The following SGCZ variants were observed in gnomAD, a reference collection of about 807,000 sequenced individuals.
SGCZ encodes the protein sarcoglycan zeta, also known as zeta-sarcoglycan.
In SGCZ, 40 loss-of-function variants were observed where a neutral mutation model predicts 41.3. That is an observed-to-expected ratio of 0.97 (90% confidence interval 0.75 to 1.26). SGCZ has a LOEUF of 1.26. SGCZ is among the 50% of genes most tolerant of loss of function. The probability of loss-of-function intolerance (pLI) is 0.00; values close to 1 mark genes in which losing one functional copy is unlikely to be tolerated. For missense variants in SGCZ, 552 were observed against 369.8 expected, an observed-to-expected ratio of 1.49 and a Z score of -4.04; for synonymous variants, 206 against 137.5, an observed-to-expected ratio of 1.50 and a Z score of -3.49.
intron 5 of SGCZ, 100 bp downstream of exon 5, chr8:14,164,480 C>G (rs768425508): frequency 4.9e-6 from 7 of 1,423,390 alleles, no homozygotes; most frequent in Non-Finnish European, 6.8e-6. Context: ...TAAGACTCTA[C>G]TTTAGGCATA....
chr8:14,440,351 T>TA (rs1800213690), intron 2 of SGCZ, among the ~76,000 whole-genome samples: 1 of 152,110 alleles, frequency 6.6e-6, no homozygotes, highest in South Asian at 2.1e-4. Flanking sequence ...AAATCTTAGA[T>TA]AAATAAGTTA....
chr8:14,549,996 G>C (rs1487229388), intron 2 of SGCZ, among the ~76,000 whole-genome samples: 1 of 151,996 alleles, frequency 6.6e-6, no homozygotes, highest in African/African-American at 2.4e-5. Context: ...GGAAAAAAAG[G>C]TGGCATTAAA....
At chr8:15,142,349 TG>T (rs1172578660) in intron 1 of SGCZ, among the ~76,000 whole-genome samples, 1 of 152,164 alleles carries the variant, frequency 6.6e-6, no homozygotes, top group African/African-American at 2.4e-5. Flanking sequence ...AATTATATAT[TG>T]GTTATATTTA....
At chr8:14,714,873 GT>G (rs1391148997) in intron 1 of SGCZ, among the ~76,000 whole-genome samples, 1 of 151,968 alleles carries the variant, frequency 6.6e-6, no homozygotes. Context: ...ATGCGGGGAT[GT>G]TTTTTTCAGA....
intron 1 of SGCZ, among the ~76,000 whole-genome samples, chr8:14,854,775 G>A (rs528531072): frequency 1.6e-4 from 24 of 151,942 alleles, no homozygotes; most frequent in Non-Finnish European, 3.1e-4. Context: ...TCATAGAGAG[G>A]AAAGGAGAGA....
At chr8:14,100,256 A>G (rs1168482520) in intron 7 of SGCZ, among the ~76,000 whole-genome samples, 1 of 151,828 alleles carries the variant, frequency 6.6e-6, no homozygotes, top group East Asian at 1.9e-4. Flanking sequence ...ATGAAGTTAT[A>G]ATATGTAATT....
intron 1 of SGCZ, among the ~76,000 whole-genome samples, chr8:14,737,142 GAT>G (rs34151172): frequency 0.76 from 110,015 of 144,432 alleles, 41,261 homozygotes; most frequent in Admixed American, 0.79. Context: ...GGATATATAA[GAT>G]ATATATATAT....
At chr8:14,818,989 G>A (rs1391545952) in intron 1 of SGCZ, among the ~76,000 whole-genome samples, 2 of 151,994 alleles carry the variant, frequency 1.3e-5, no homozygotes, top group African/African-American at 4.8e-5. Context: ...GTCATCTAAT[G>A]AAATAATTTC....
rs115607009 is a variant in SGCZ at position 14,697,814 on chromosome 8, C to G, written c.40-142888G>C. Among the ~76,000 whole-genome samples, 1,299 of 152,016 alleles carry G rather than the reference C, an allele frequency of 8.5e-3. 18 individuals carry two copies. Among genetic ancestry groups the G allele is most frequent in the Middle Eastern group, 0.031 (9 of 294 alleles). On this transcript the variant is annotated intron_variant, in intron 1 of 7. Transcript: ENST00000382080. ...ATATTTTATATTGAACACAACAGTC[C>G]AGCAATACTATTCCCTTAATTCTCA...
chr8:14,402,294 T>G (rs964824352), intron 2 of SGCZ, among the ~76,000 whole-genome samples: 2 of 151,350 alleles, frequency 1.3e-5, no homozygotes, highest in African/African-American at 2.5e-5. Flanking sequence ...TGAGTTTAAT[T>G]AGATCCCATT....
intron 2 of SGCZ, among the ~76,000 whole-genome samples, chr8:14,326,074 T>G (rs1802098612): frequency 9.0e-6 from 1 of 110,856 alleles, no homozygotes; most frequent in Non-Finnish European, 1.7e-5. Context: ...ATCGCTCCAC[T>G]GAACTCCAGC....
intron 4 of SGCZ, among the ~76,000 whole-genome samples, chr8:14,230,289 G>C (rs919474687): frequency 4.6e-5 from 7 of 151,970 alleles, no homozygotes; most frequent in South Asian, 4.1e-4. Flanking sequence ...CCAGAGACTT[G>C]GTCATGTGTA....
chr8:14,868,586 T>C (rs1210091661), intron 1 of SGCZ, among the ~76,000 whole-genome samples: 1 of 152,140 alleles, frequency 6.6e-6, no homozygotes, highest in Non-Finnish European at 1.5e-5. Flanking sequence ...TGAATTTCAA[T>C]CTGAAATTTG....
At position 14,932,406 on chromosome 8, in the gene SGCZ, A is replaced by G. The variant is rs373359077; in HGVS notation, c.39+305179T>C. On this transcript the variant is annotated intron_variant, in intron 1 of 7. Transcript: ENST00000382080. ...ATAAATGCAAAATGTCTCTTTCATC[A>G]TGATGTAAAGGATGCAATAAAACTA... is the stretch of plus-strand genomic sequence containing the variant. Among the ~76,000 whole-genome samples the G allele has an allele frequency of 1.6e-4, 24 of 152,074 alleles. No homozygotes were observed. The East Asian group carries it at 4.4e-3, about 28-fold the overall frequency.
chr8:14,661,899 G>A (rs1396452101), intron 1 of SGCZ, among the ~76,000 whole-genome samples: 1 of 151,438 alleles, frequency 6.6e-6, no homozygotes, highest in Non-Finnish European at 1.5e-5. Context: ...AGAGACAATG[G>A]GGTATCTTGA....
At chr8:14,631,119 A>G (rs1353242556) in intron 1 of SGCZ, among the ~76,000 whole-genome samples, 1 of 151,928 alleles carries the variant, frequency 6.6e-6, no homozygotes, top group Non-Finnish European at 1.5e-5. Context: ...TTAGTTCCCA[A>G]CTCAATATGT....
intron 1 of SGCZ, among the ~76,000 whole-genome samples, chr8:14,874,017 G>A (rs185143901): frequency 0.02 from 2,934 of 149,624 alleles, 42 homozygotes; most frequent in Middle Eastern, 0.048. Context: ...AAATAATTAC[G>A]ATGACTGAAA....
At chr8:15,092,701 G>C (rs1806198454) in intron 1 of SGCZ, among the ~76,000 whole-genome samples, 1 of 152,108 alleles carries the variant, frequency 6.6e-6, no homozygotes, top group Non-Finnish European at 1.5e-5. Context: ...AAAGAACCAA[G>C]AAAATCATAT....
chr8:14,480,775 C>G (rs1439868350), intron 2 of SGCZ, among the ~76,000 whole-genome samples: 2 of 151,704 alleles, frequency 1.3e-5, no homozygotes, highest in African/African-American at 4.8e-5. Flanking sequence ...TAATTGTATT[C>G]TTCTATATTT....
Sources: gnomAD v4.1 joint callset for allele counts (sites outside exome capture counted in the v4.1 genomes callset) on GRCh38, gnomAD v4.1.1 for gene constraint, MANE v1.5 for transcripts, NCBI Gene and HGNC (gene_info 2026-07-23, HGNC 2026-07-21) for gene names.